OSBPL6: variants seen among roughly 807,000 people sequenced by gnomAD.
The protein encoded by OSBPL6 is oxysterol binding protein like 6.
A neutral mutation model predicts 125.8 loss-of-function variants in OSBPL6; 49 were observed. That is an observed-to-expected ratio of 0.39 (90% CI 0.31 to 0.49). OSBPL6 has a LOEUF of 0.49. OSBPL6 is among the 20% of genes least tolerant of loss of function. OSBPL6 has a pLI of 0.88. For missense variants in OSBPL6, 986 were observed against 1,135.4 expected, an observed-to-expected ratio of 0.87 and a Z score of 1.89; for synonymous variants, 394 against 391.8, an observed-to-expected ratio of 1.01 and a Z score of -0.07.
chr2:178,283,275 T>C (rs1684393004), intron 1 of OSBPL6, among the ~76,000 whole-genome samples: 1 of 152,168 alleles, frequency 6.6e-6, no homozygotes, highest in Non-Finnish European at 1.5e-5. Context: ...AATCATGGCA[T>C]TGGATGCTGG....
At chr2:178,314,003 C>A (rs753961607) in intron 3 of OSBPL6, among the ~76,000 whole-genome samples, 1 of 152,178 alleles carries the variant, frequency 6.6e-6, no homozygotes, top group Non-Finnish European at 1.5e-5. Context: ...GTTTTCATAA[C>A]AAGTTTTCTT....
At chr2:178,240,668 G>A (rs1314731351) in intron 1 of OSBPL6, among the ~76,000 whole-genome samples, 1 of 152,144 alleles carries the variant, frequency 6.6e-6, no homozygotes, top group Non-Finnish European at 1.5e-5. Context: ...CAGGAGAATT[G>A]CTTGAGCCCG....
chr2:178,390,137 T>C (rs992085918), intron 21 of OSBPL6, among the ~76,000 whole-genome samples: 12 of 152,226 alleles, frequency 7.9e-5, no homozygotes, highest in African/African-American at 2.9e-4. Flanking sequence ...GCCTGTATAA[T>C]TAACTAAAAT....
intron 12 of OSBPL6, 42 bp downstream of exon 12, chr2:178,349,431 T>C: frequency 6.3e-7 from 1 of 1,579,096 alleles, no homozygotes; most frequent in Non-Finnish European, 8.7e-7. Flanking sequence ...AGCTCTCTTC[T>C]TTGATGAAAG....
chr2:178,235,040 G>A (rs1049510470), intron 1 of OSBPL6, among the ~76,000 whole-genome samples: 6 of 152,142 alleles, frequency 3.9e-5, no homozygotes, highest in African/African-American at 1.4e-4. Flanking sequence ...ATGAGCTCCA[G>A]AATAGGTACT....
At chr2:178,377,782 T>C (rs935131934) in intron 15 of OSBPL6, among the ~76,000 whole-genome samples, 2 of 152,186 alleles carry the variant, frequency 1.3e-5, no homozygotes, top group African/African-American at 4.8e-5. Context: ...GGCTGTCCTA[T>C]CTACAATTTA....
rs140138655 is a variant in OSBPL6 at position 178,373,112 on chromosome 2, C to T, written c.1396-778C>T. Among the ~76,000 whole-genome samples, 78 of 152,256 alleles carry T rather than the reference C, an allele frequency of 5.1e-4. 1 individual carries two copies. The East Asian group carries it at 0.014, about 26-fold the overall frequency. On this transcript the variant is annotated intron_variant, in intron 14 of 24. Transcript: ENST00000190611. ...ACAAGGGTTCTAACCTCTTAGGAAA[C>T]GTTATCCCAGGACAACTTGTCTTTG... is the stretch of plus-strand genomic sequence containing the variant.
chr2:178,304,541 A>G (rs957964857), intron 2 of OSBPL6, among the ~76,000 whole-genome samples: 4 of 152,172 alleles, frequency 2.6e-5, no homozygotes, highest in African/African-American at 7.2e-5. Flanking sequence ...GGGAACTACA[A>G]TTCAGGATGA....
chr2:178,241,099 G>A (rs1001973397), intron 1 of OSBPL6, among the ~76,000 whole-genome samples: 2 of 151,748 alleles, frequency 1.3e-5, no homozygotes, highest in South Asian at 2.1e-4. Context: ...TATCTTAAGT[G>A]TACTAATGCC....
At chr2:178,351,136 A>G (rs917031073) in intron 12 of OSBPL6, among the ~76,000 whole-genome samples, 2 of 152,182 alleles carry the variant, frequency 1.3e-5, no homozygotes, top group African/African-American at 4.8e-5. Context: ...CACAGCTAAC[A>G]TCACTTAGTG....
chr2:178,218,900 T>A (rs1203403559), intron 1 of OSBPL6, among the ~76,000 whole-genome samples: 1 of 152,166 alleles, frequency 6.6e-6, no homozygotes, highest in Non-Finnish European at 1.5e-5. Context: ...AGTGCTGGGA[T>A]TACAGATGTG....
At chr2:178,224,684 C>T (rs1459764923) in intron 1 of OSBPL6, among the ~76,000 whole-genome samples, 1 of 152,182 alleles carries the variant, frequency 6.6e-6, no homozygotes, top group Non-Finnish European at 1.5e-5. Flanking sequence ...CCTGTAATCC[C>T]AGCACTTTGG....
intron 21 of OSBPL6, among the ~76,000 whole-genome samples, chr2:178,390,591 A>G (rs1695320842): frequency 6.6e-6 from 1 of 152,220 alleles, no homozygotes; most frequent in Admixed American, 6.5e-5. Context: ...AAGGGGAATC[A>G]TGGGGTAGGC....
chr2:178,400,654 A>G lies in OSBPL6; in HGVS notation c.*5095A>G, dbSNP rs1035598270. 4 of 152,230 alleles carry G rather than the reference A, an allele frequency of 2.6e-5. No individual in the cohort carries two copies. Among genetic ancestry groups the G allele is most frequent in the African/African-American group, 7.2e-5 (3 of 41,464 alleles). The allele number at this position is 152,230 out of a possible 1,614,324, so 9.4% of individuals were successfully genotyped here. On this transcript the variant is annotated 3_prime_UTR_variant, in exon 25 of 25. Transcript: ENST00000190611. ...AATACACTTCGCATATTTGAACAGT[A>G]CTTGATACAGTTTGATGTATGTATA...
At chr2:178,224,849 C>T (rs548375742) in intron 1 of OSBPL6, among the ~76,000 whole-genome samples, 4 of 152,344 alleles carry the variant, frequency 2.6e-5, no homozygotes, top group African/African-American at 7.2e-5. Flanking sequence ...GCAGGAGGAT[C>T]GCTCAAGCCC....
chr2:178,306,177 C>T lies in OSBPL6; in HGVS notation c.-8C>T. On this transcript the variant is annotated 5_prime_UTR_variant, in exon 3 of 25. Coordinates refer to ENST00000190611, the MANE Select transcript of OSBPL6 (RefSeq NM_032523.4). ...TTAAGTGCATAAAACGAGACTCTAA[C>T]TGCAGCGATGAGTTCAGATGAGAAG... is the stretch of plus-strand genomic sequence containing the variant. 1 of 1,592,496 alleles carries T rather than the reference C, an allele frequency of 6.3e-7. No homozygotes were observed.
At chr2:178,198,657 A>AAT (rs1553517717) in intron 1 of OSBPL6, among the ~76,000 whole-genome samples, 2 of 151,556 alleles carry the variant, frequency 1.3e-5, no homozygotes, top group Non-Finnish European at 2.9e-5. Context: ...TAAATAAATA[A>AAT]GAGAACTGCG....
intron 23 of OSBPL6, 33 bp downstream of exon 23, chr2:178,392,571 T>G: frequency 6.2e-7 from 1 of 1,609,614 alleles, no homozygotes; most frequent in Middle Eastern, 1.7e-4. Context: ...ATATGCAGAC[T>G]ATGGCTGGGT....
intron 19 of OSBPL6, 142 bp from the exon 20 acceptor site, chr2:178,386,919 G>T (rs1334651782): frequency 3.8e-5 from 17 of 449,488 alleles, no homozygotes; most frequent in Admixed American, 2.7e-4. Flanking sequence ...CCATTTGCAG[G>T]CACTTGTCAT....
Sources: allele counts gnomAD v4.1 joint callset (sites outside exome capture counted in the v4.1 genomes callset), GRCh38; gene constraint gnomAD v4.1.1; transcripts MANE v1.5; gene names NCBI Gene and HGNC (gene_info 2026-07-23, HGNC 2026-07-21).